Variants in BRINP3 observed in about 807,000 individuals in gnomAD.
BRINP3 encodes the protein BMP/retinoic acid inducible neural specific 3.
BRINP3 carries 19 observed loss-of-function variants against 71.0 expected under a neutral mutation model. The ratio of observed to expected loss-of-function variants is 0.27; its 90% CI spans 0.19 to 0.39. BRINP3 has a LOEUF of 0.39. BRINP3 is among the 10% of genes least tolerant of loss of function. The pLI is 1.00. For missense variants in BRINP3, 959 were observed against 940.8 expected, an observed-to-expected ratio of 1.02 and a Z score of -0.25; for synonymous variants, 380 against 337.7, an observed-to-expected ratio of 1.13 and a Z score of -1.37.
At chr1:190,446,500 A>T (rs1284839080) in intron 2 of BRINP3, among the ~76,000 whole-genome samples, 1 of 152,112 alleles carries the variant, frequency 6.6e-6, no homozygotes, top group East Asian at 1.9e-4. Flanking sequence ...ATGTTCCAAT[A>T]TACACAAATA....
chr1:190,346,910 T>C (rs1668058809), intron 2 of BRINP3, among the ~76,000 whole-genome samples: 1 of 152,146 alleles, frequency 6.6e-6, no homozygotes, highest in East Asian at 1.9e-4. Context: ...AAGTGTCCTA[T>C]ATTTTTATGG....
At chr1:190,223,562 A>G (rs1657071040) in intron 6 of BRINP3, among the ~76,000 whole-genome samples, 1 of 151,946 alleles carries the variant, frequency 6.6e-6, no homozygotes, top group East Asian at 1.9e-4. Flanking sequence ...ACTGTGCTGA[A>G]TGAGAAAAAT....
At chr1:190,338,363 T>A (rs1667428096) in intron 2 of BRINP3, among the ~76,000 whole-genome samples, 1 of 152,010 alleles carries the variant, frequency 6.6e-6, no homozygotes, top group South Asian at 2.1e-4. Context: ...AAATGTAAAT[T>A]TGTTATTTTT....
At chr1:190,397,378 T>G (rs1181551883) in intron 2 of BRINP3, among the ~76,000 whole-genome samples, 1 of 152,002 alleles carries the variant, frequency 6.6e-6, no homozygotes, top group African/African-American at 2.4e-5. Flanking sequence ...TGGCTCCTGT[T>G]CTGCATTTCC....
intron 2 of BRINP3, among the ~76,000 whole-genome samples, chr1:190,442,317 G>A (rs954310455): frequency 3.3e-5 from 5 of 152,082 alleles, no homozygotes; most frequent in Non-Finnish European, 4.4e-5. Context: ...AGATAAGACC[G>A]TCAGCAAATA....
rs1287301658 is a variant in BRINP3 at position 190,195,824 on chromosome 1, A to G, written c.961+30258T>C. ...TTCTTCAAGTCACCATTCTAAATTT[A>G]TAACTATATCCATAATTGGAGTTCT... On this transcript the variant is annotated intron_variant, in intron 6 of 7. Transcript: ENST00000367462. 2.0e-5 allele frequency among the ~76,000 whole-genome samples: 3 copies of G among 152,082 alleles called. No homozygotes were observed. The East Asian group carries it at 5.8e-4, about 29-fold the overall frequency.
At chr1:190,130,585 C>T (rs1397332293) in intron 7 of BRINP3, among the ~76,000 whole-genome samples, 1 of 151,976 alleles carries the variant, frequency 6.6e-6, no homozygotes, top group Non-Finnish European at 1.5e-5. Context: ...ATTCTAGATC[C>T]TGTTCTAAAA....
chr1:190,237,596 T>G (rs1658645890), intron 4 of BRINP3, among the ~76,000 whole-genome samples: 1 of 151,956 alleles, frequency 6.6e-6, no homozygotes, highest in African/African-American at 2.4e-5. Flanking sequence ...TCTACTTTTA[T>G]ATGTTTCCCC....
chr1:190,239,363 G>A (rs1658834361), intron 4 of BRINP3, among the ~76,000 whole-genome samples: 1 of 151,982 alleles, frequency 6.6e-6, no homozygotes, highest in Non-Finnish European at 1.5e-5. Flanking sequence ...CAATGTTGAA[G>A]GAACAATATA....
At chr1:190,299,156 T>C (rs1296197799) in intron 2 of BRINP3, among the ~76,000 whole-genome samples, 1 of 152,084 alleles carries the variant, frequency 6.6e-6, no homozygotes, top group East Asian at 1.9e-4. Flanking sequence ...TATTATGTCA[T>C]TTTCCAGTCT....
chr1:190,172,768 A>G (rs534775730), intron 6 of BRINP3, among the ~76,000 whole-genome samples: 75 of 152,292 alleles, frequency 4.9e-4, no homozygotes, highest in African/African-American at 1.7e-3. Context: ...ATAACTGAAC[A>G]TACGACAATC....
chr1:190,278,530 G>T (rs573922894), intron 3 of BRINP3, among the ~76,000 whole-genome samples: 1 of 151,652 alleles, frequency 6.6e-6, no homozygotes, highest in East Asian at 1.9e-4. Context: ...TTTAATCGCA[G>T]ATATCTTATA....
chr1:190,457,914 C>T (rs1049731256), intron 1 of BRINP3, among the ~76,000 whole-genome samples: 1 of 149,404 alleles, frequency 6.7e-6, no homozygotes, highest in Non-Finnish European at 1.5e-5. Flanking sequence ...TTCATATCCC[C>T]TCATTAAAAA....
intron 1 of BRINP3, among the ~76,000 whole-genome samples, chr1:190,472,664 G>A (rs867963369): frequency 4.0e-5 from 6 of 151,654 alleles, no homozygotes; most frequent in Non-Finnish European, 5.9e-5. Flanking sequence ...TGAATCATAG[G>A]TTGATAATGA....
At chr1:190,305,801 C>T (rs1665055600) in intron 2 of BRINP3, among the ~76,000 whole-genome samples, 1 of 151,502 alleles carries the variant, frequency 6.6e-6, no homozygotes, top group Non-Finnish European at 1.5e-5. Context: ...TTTAAAACCT[C>T]ATTAGAAAAA....
intron 6 of BRINP3, among the ~76,000 whole-genome samples, chr1:190,186,257 A>T (rs1188762342): frequency 1.3e-5 from 2 of 151,974 alleles, no homozygotes; most frequent in African/African-American, 2.4e-5. Context: ...AGGTGTCTGT[A>T]ATCCCAGCTA....
At chr1:190,312,722 A>C (rs1665622041) in intron 2 of BRINP3, among the ~76,000 whole-genome samples, 1 of 151,850 alleles carries the variant, frequency 6.6e-6, no homozygotes, top group Admixed American at 6.6e-5. Context: ...GTAAGACCAA[A>C]TCTTAAATTA....
At chr1:190,116,395 A>T (rs1444365739) in intron 7 of BRINP3, among the ~76,000 whole-genome samples, 1 of 152,058 alleles carries the variant, frequency 6.6e-6, no homozygotes, top group African/African-American at 2.4e-5. Flanking sequence ...CACACAAGAA[A>T]ATTAGCTTTC....
At chr1:190,261,919 T>A (rs1223874356) in intron 4 of BRINP3, among the ~76,000 whole-genome samples, 2 of 152,160 alleles carry the variant, frequency 1.3e-5, no homozygotes, top group African/African-American at 4.8e-5. Context: ...AATATTTCAG[T>A]AGTTGAATAC....
Sources: gnomAD v4.1 joint callset for allele counts (sites outside exome capture counted in the v4.1 genomes callset) on GRCh38, gnomAD v4.1.1 for gene constraint, MANE v1.5 for transcripts, NCBI Gene and HGNC (gene_info 2026-07-23, HGNC 2026-07-21) for gene names.